Variants in PROCR observed in about 807,000 individuals in gnomAD.
PROCR encodes the protein endothelial protein C receptor.
PROCR carries 22 observed loss-of-function variants against 24.2 expected under a neutral mutation model. The ratio of observed to expected loss-of-function variants is 0.91; its 90% CI spans 0.65 to 1.30. The LOEUF is 1.30. Among genes scored for constraint, PROCR ranks in the 50% most tolerant of loss-of-function variants. PROCR has a pLI of 0.00. For synonymous variants in PROCR, 137 were observed against 139.2 expected, an observed-to-expected ratio of 0.98 and a Z score of 0.11; for missense variants, 288 against 307.7, an observed-to-expected ratio of 0.94 and a Z score of 0.48.
chr20:35,185,952 G>A (rs970325660), intron 1 of PROCR, among the ~76,000 whole-genome samples: 19 of 152,150 alleles, frequency 1.2e-4, no homozygotes, highest in Admixed American at 3.9e-4. Flanking sequence ...GAAGAAATTG[G>A]AACCCTCATA....
intron 1 of PROCR, among the ~76,000 whole-genome samples, chr20:35,192,603 AG>A (rs2086183253): frequency 1.3e-5 from 2 of 152,016 alleles, no homozygotes; most frequent in Admixed American, 1.3e-4. Flanking sequence ...TGTGCTTATT[AG>A]GGCCTACTGT....
At chr20:35,196,180 C>CAAAA (rs68132775) in intron 1 of PROCR, among the ~76,000 whole-genome samples, 2 of 63,474 alleles carry the variant, frequency 3.2e-5, no homozygotes, top group Non-Finnish European at 5.5e-5. Context: ...AGACTGCCTC[C>CAAAA]AAAAAAAAAA....
chr20:35,208,986 A>G (rs2060352373), intron 1 of PROCR, among the ~76,000 whole-genome samples: 2 of 152,280 alleles, frequency 1.3e-5, no homozygotes, highest in South Asian at 2.1e-4. Context: ...AAATAAATAA[A>G]CAAATATTAA....
At position 35,209,684 on chromosome 20, in the gene PROCR, GA is replaced by G. The variant is rs200872076; in HGVS notation, c.95-6207del. ...ATGTGCAATGATGCCAAAGTCAGGG[GA>G]AGTGTATTTCAAAAAGAAGACTGGT... On this transcript the variant is annotated intron_variant, in intron 1 of 1. Coordinates refer to the PROCR transcript ENST00000634509. Among the ~76,000 whole-genome samples the G allele has an allele frequency of 6.3e-3, 963 of 152,310 alleles. 9 individuals are homozygous for G. The highest frequency in any genetic ancestry group is 0.02 in the African/African-American group (823 of 41,560).
chr20:35,204,356 C>G (rs2060329799), intron 1 of PROCR, among the ~76,000 whole-genome samples: 1 of 144,044 alleles, frequency 6.9e-6, no homozygotes, highest in Admixed American at 6.9e-5. Context: ...CTTCCTCCCT[C>G]CCTCCCTCCT....
intron 1 of PROCR, among the ~76,000 whole-genome samples, chr20:35,195,737 C>T (rs2086209460): frequency 6.8e-6 from 1 of 147,302 alleles, no homozygotes; most frequent in Non-Finnish European, 1.5e-5. Flanking sequence ...AGGAGAATCA[C>T]TTGAACTGGG....
At chr20:35,204,733 C>G (rs2146175453) in intron 1 of PROCR, among the ~76,000 whole-genome samples, 1 of 151,556 alleles carries the variant, frequency 6.6e-6, no homozygotes, top group African/African-American at 2.4e-5. Context: ...AGTATCAATT[C>G]CACACAAACT....
intron 1 of PROCR, among the ~76,000 whole-genome samples, chr20:35,172,730 T>A (rs2085962929): frequency 6.6e-6 from 1 of 152,054 alleles, no homozygotes; most frequent in Non-Finnish European, 1.5e-5. Context: ...GAGAAAGAGA[T>A]GCTGTGCCTA....
intron 2 of PROCR, 141 bp from the exon 3 acceptor site, chr20:35,176,024 TCTC>T: frequency 1.1e-6 from 1 of 943,852 alleles, no homozygotes; most frequent in Admixed American, 1.8e-5. Context: ...CCCAGGCCCT[TCTC>T]CCCATAGTTC....
downstream of PROCR, among the ~76,000 whole-genome samples, chr20:35,180,636 C>CT (rs11427024): frequency 0.092 from 13,988 of 152,128 alleles, 734 homozygotes; most frequent in South Asian, 0.16. Flanking sequence ...GCACCTCAAA[C>CT]TCTGTCTCAG....
chr20:35,188,378 C>T (rs893251132), intron 1 of PROCR, among the ~76,000 whole-genome samples: 1 of 152,126 alleles, frequency 6.6e-6, no homozygotes, highest in African/African-American at 2.4e-5. Flanking sequence ...TCTGGGAAGG[C>T]TACACAGAGG....
At chr20:35,198,291 C>A (rs1281659220) in intron 1 of PROCR, among the ~76,000 whole-genome samples, 28 of 144,978 alleles carry the variant, frequency 1.9e-4, no homozygotes, top group Admixed American at 3.4e-4. Flanking sequence ...GACTCTGTCT[C>A]AAAAAAAAAA....
chr20:35,185,896 G>GA (rs1427723165), intron 1 of PROCR, among the ~76,000 whole-genome samples: 17 of 152,098 alleles, frequency 1.1e-4, no homozygotes, highest in African/African-American at 4.1e-4. Flanking sequence ...TAAAAAGAAT[G>GA]GCTATAGGAA....
At position 35,215,027 on chromosome 20, in the gene PROCR, C is replaced by T. The variant is rs191882606; in HGVS notation, c.95-866C>T. On this transcript the variant is annotated intron_variant, in intron 1 of 1. Transcript: ENST00000634509. ...GTTCAAGAGATTCTCCTGCCTCGGC[C>T]TCCTGAGTAGCTGGGATTACAGGCA... Among the ~76,000 whole-genome samples, 345 of 152,060 alleles carry T rather than the reference C, an allele frequency of 2.3e-3. 1 individual carries two copies. The highest frequency in any genetic ancestry group is 8.0e-3 in the African/African-American group (330 of 41,492).
Position 35,176,781 on chromosome 20 carries a change from A to C in PROCR, c.685A>C (p.Ile229Leu). Residue 229 changes from isoleucine (I) to leucine (L), a missense_variant, in exon 4 of 4, where the codon ATC becomes CTC. Coordinates refer to ENST00000216968, the MANE Select transcript of PROCR (RefSeq NM_006404.5). ...CATCATTGCTGGTGTGGCTGTAGGC[A>C]TCTTCCTGTGCACAGGTGGACGGCG... Reference protein sequence around the residue: ...SFIIAGVAVGIFLCTGGRRC With the variant: ...SFIIAGVAVGLFLCTGGRRC 3 of 1,614,042 alleles carry C rather than the reference A, an allele frequency of 1.9e-6. No individual in the cohort carries two copies. The highest frequency in any genetic ancestry group is 2.5e-6 in the Non-Finnish European group (3 of 1,179,984).
chr20:35,203,793 G>A lies in PROCR; in HGVS notation c.95-12100G>A, dbSNP rs543832326. Among the ~76,000 whole-genome samples the A allele has an allele frequency of 1.9e-4, 29 of 152,040 alleles. 1 individual carries two copies. The South Asian group carries it at 4.2e-3, about 22-fold the overall frequency. ...ATTTATGGGTTGCAGCTAATGCAGC[G>A]TGTACAGGAACATTTATAGCTTTAC... is the stretch of plus-strand genomic sequence containing the variant. On this transcript the variant is annotated intron_variant, in intron 1 of 1. Transcript: ENST00000634509.
At chr20:35,214,907 C>CT (rs71198708) in intron 1 of PROCR, among the ~76,000 whole-genome samples, 52,648 of 119,428 alleles carry the variant, frequency 0.44, 12,384 homozygotes, top group South Asian at 0.57. Context: ...TTTTCTTTTT[C>CT]TTTTTTTTTT....
chr20:35,172,675 G>A (rs566894198), intron 1 of PROCR, among the ~76,000 whole-genome samples: 4 of 152,200 alleles, frequency 2.6e-5, no homozygotes, highest in African/African-American at 9.6e-5. Flanking sequence ...GTTAGGGGAG[G>A]CTAGGGAAAA....
At chr20:35,185,747 G>C (rs1231741648) in intron 1 of PROCR, among the ~76,000 whole-genome samples, 5 of 152,142 alleles carry the variant, frequency 3.3e-5, no homozygotes, top group African/African-American at 1.2e-4. Context: ...AGAGTGGGAG[G>C]GGGGTGAGGG....
Sources: gnomAD v4.1 joint callset for allele counts (sites outside exome capture counted in the v4.1 genomes callset) on GRCh38, gnomAD v4.1.1 for gene constraint, MANE v1.5 for transcripts, NCBI Gene and HGNC (gene_info 2026-07-23, HGNC 2026-07-21) for gene names.